PACRGL: variants seen among roughly 807,000 people sequenced by gnomAD.
The protein encoded by PACRGL is parkin coregulated like.
A neutral mutation model predicts 34.5 loss-of-function variants in PACRGL; 38 were observed. That is an observed-to-expected ratio of 1.10 (90% CI 0.85 to 1.44). The LOEUF (loss-of-function observed/expected upper bound fraction) is 1.44, where lower values mean the gene tolerates loss of function less well. Among genes scored for constraint, PACRGL ranks in the 40% most tolerant of loss-of-function variants. The pLI, the probability that PACRGL is intolerant of heterozygous loss-of-function variation, is 0.00. For missense variants in PACRGL, 305 were observed against 281.4 expected (o/e 1.08, Z -0.60); for synonymous variants, 128 against 100.1 (o/e 1.28, Z -1.66).
chr4:20,746,828 A>C (rs934662899), intron 8 of PACRGL, among the ~76,000 whole-genome samples: 2 of 152,130 alleles, frequency 1.3e-5, no homozygotes, highest in African/African-American at 4.8e-5. Context: ...AAGCAAATTA[A>C]GTGGAAAACT....
At chr4:20,732,726 G>C (rs772090522), downstream of PACRGL, 24 of 1,612,694 alleles carry the variant, frequency 1.5e-5, no homozygotes, top group African/African-American at 2.7e-4. Context: ...CTTCTTTGAG[G>C]ACAGGATATG....
chr4:20,716,302 T>C (rs1739946251), intron 7 of PACRGL: 12 of 592,980 alleles, frequency 2.0e-5, no homozygotes, highest in Non-Finnish European at 3.6e-5. Flanking sequence ...AGTTTTCAGT[T>C]TTCTTCTCCT....
At chr4:20,719,602 C>T (rs555762028) in intron 7 of PACRGL, among the ~76,000 whole-genome samples, 7 of 152,130 alleles carry the variant, frequency 4.6e-5, no homozygotes, top group African/African-American at 7.2e-5. Context: ...GCAGTCATTC[C>T]GGAGCAGGTT....
At chr4:20,757,523 TAC>T (rs199768035), downstream of PACRGL, among the ~76,000 whole-genome samples, 745 of 152,298 alleles carry the variant, frequency 4.9e-3, 6 homozygotes, top group African/African-American at 0.017. Flanking sequence ...CCCTCCATTG[TAC>T]ACTCTCTACC....
chr4:20,727,287 G>A lies in PACRGL; in HGVS notation c.693G>A (p.Gly231=). The change falls in exon 9 of 9, where the codon GGG becomes GGA. Residue 231 remains glycine (G), a splice_region_variant and synonymous_variant. Transcript: ENST00000503585. The part of the protein sequence containing the change: ...LQKLEQHGGS[G]SLSIIKSKIP... ...GCTCAATTTTTTTCTGTTGACAGGG[G>A]AGCCTTAGCATCATCAAATCTAAAA... 2 of 1,610,776 alleles carry A rather than the reference G, an allele frequency of 1.2e-6. No homozygotes were observed. The highest frequency in any genetic ancestry group is 1.7e-6 in the Non-Finnish European group (2 of 1,177,258).
At chr4:20,734,742 A>C (rs181752951), downstream of PACRGL, 194 of 1,502,108 alleles carry the variant, frequency 1.3e-4, no homozygotes, top group Admixed American at 5.1e-4. Context: ...AATCCTGAAA[A>C]GAAATAAAAA....
chr4:20,764,671 A>G, the PACRGL span, among the ~76,000 whole-genome samples: 1 of 117,880 alleles, frequency 8.5e-6, no homozygotes, highest in Non-Finnish European at 1.7e-5. Flanking sequence ...CTAGAATCAC[A>G]TGGGAATTGG....
intron 7 of PACRGL, chr4:20,716,341 TTTG>T (rs760898577): frequency 7.5e-4 from 437 of 582,864 alleles, no homozygotes; most frequent in Non-Finnish European, 1.1e-3. Flanking sequence ...GTGTTTTTTT[TTTG>T]TTTGTTTGTT....
At chr4:20,716,341 T>C (rs1739981404) in intron 7 of PACRGL, 2 of 582,810 alleles carry the variant, frequency 3.4e-6, no homozygotes, top group African/African-American at 1.9e-5. Context: ...GTGTTTTTTT[T>C]TTGTTTGTTT....
intron 7 of PACRGL, among the ~76,000 whole-genome samples, chr4:20,717,133 T>C (rs1162088022): frequency 6.6e-6 from 1 of 152,216 alleles, no homozygotes; most frequent in Admixed American, 6.5e-5. Flanking sequence ...AATGTCTTCT[T>C]TTGAGAAGTG....
chr4:20,756,128 T>G (rs1353344167), downstream of PACRGL, among the ~76,000 whole-genome samples: 1 of 151,952 alleles, frequency 6.6e-6, no homozygotes, highest in Non-Finnish European at 1.5e-5. Flanking sequence ...CTACTGTGTT[T>G]ATTTTGGCAG....
chr4:20,717,449 G>T (rs1740673728), intron 7 of PACRGL, among the ~76,000 whole-genome samples: 1 of 152,136 alleles, frequency 6.6e-6, no homozygotes, highest in Non-Finnish European at 1.5e-5. Flanking sequence ...TTTTCTTTTA[G>T]GGTTTTTATG....
chr4:20,740,912 G>C (rs1221240633), intron 8 of PACRGL, among the ~76,000 whole-genome samples: 1 of 151,906 alleles, frequency 6.6e-6, no homozygotes, highest in Non-Finnish European at 1.5e-5. Flanking sequence ...AAAAAGCAGG[G>C]GTTGCAATCC....
the PACRGL span, among the ~76,000 whole-genome samples, chr4:20,763,951 T>C: frequency 1.3e-5 from 2 of 152,190 alleles, no homozygotes; most frequent in Non-Finnish European, 2.9e-5. Context: ...TTGCTTCAAG[T>C]AAACAAGTAC....
At chr4:20,716,187 G>A (rs1351530370) in intron 7 of PACRGL, 2 of 1,051,218 alleles carry the variant, frequency 1.9e-6, no homozygotes, top group East Asian at 5.2e-5. Context: ...ACTCAGGAAA[G>A]CTGTTACTGG....
At chr4:20,718,577 A>G (rs536314029) in intron 7 of PACRGL, among the ~76,000 whole-genome samples, 3 of 152,214 alleles carry the variant, frequency 2.0e-5, no homozygotes, top group African/African-American at 4.8e-5. Context: ...TTCTGCATCT[A>G]TCGAGATAAT....
chr4:20,755,359 C>G (rs1240060406), downstream of PACRGL, among the ~76,000 whole-genome samples: 1 of 152,196 alleles, frequency 6.6e-6, no homozygotes. Flanking sequence ...TATGAAACAA[C>G]TAATACTTAA....
In PACRGL at chr4:20,740,771, C is replaced by T. The variant is rs187700276; in HGVS notation, c.*57-11794C>T. On this transcript the variant is annotated intron_variant, in intron 8 of 8. Transcript: ENST00000507634. ...GGCTAAACGCACCAATTAAAAGACA[C>T]AAACTGGCAAATAGGATTGTCAAGA... 1.1e-4 allele frequency among the ~76,000 whole-genome samples: 16 copies of T among 152,244 alleles called. No homozygotes were observed. In the East Asian group the frequency reaches 3.1e-3, roughly 29 times the overall value.
chr4:20,718,499 C>T (rs1366516350), intron 7 of PACRGL, among the ~76,000 whole-genome samples: 8 of 152,058 alleles, frequency 5.3e-5, no homozygotes, highest in South Asian at 2.1e-4. Context: ...TTTTGAGATA[C>T]GTCCCATCAA....
Sources: allele counts gnomAD v4.1 joint callset (sites outside exome capture counted in the v4.1 genomes callset), GRCh38; gene constraint gnomAD v4.1.1; transcripts MANE v1.5; gene names NCBI Gene and HGNC (gene_info 2026-07-23, HGNC 2026-07-21).